Variants in STAG2 observed in about 807,000 individuals in gnomAD.
The protein encoded by STAG2 is STAG2 cohesin complex component.
In STAG2, 14 loss-of-function variants were observed where a neutral mutation model predicts 108.1. The ratio of observed to expected loss-of-function variants is 0.13; its 90% CI spans 0.09 to 0.20. The LOEUF is 0.20. Among genes scored for constraint, STAG2 ranks in the 10% least tolerant of loss-of-function variants. The pLI, the probability that STAG2 is intolerant of heterozygous loss-of-function variation, is 1.00. For synonymous variants in STAG2, 307 were observed against 302.7 expected (o/e 1.01, Z -0.15); for missense variants, 440 against 940.9 (o/e 0.47, Z 6.96).
At chrX:124,041,680 C>G (rs886797923) in intron 6 of STAG2, among the ~76,000 whole-genome samples, 1 of 111,078 alleles carries the variant, frequency 9.0e-6, no homozygotes, top group African/African-American at 3.3e-5. Flanking sequence ...CTTTCTCAGT[C>G]TGATGCCCCA....
At chrX:123,987,862 C>T (rs2055272849) in intron 1 of STAG2, among the ~76,000 whole-genome samples, 1 of 111,561 alleles carries the variant, frequency 9.0e-6, no homozygotes, top group Admixed American at 9.6e-5. Flanking sequence ...GGTGGAATCT[C>T]ATAAAACTAT....
chrX:124,012,315 T>C lies in STAG2; in HGVS notation c.-162-9052T>C, dbSNP rs868002371. On this transcript the variant is annotated intron_variant, in intron 1 of 34. Transcript: ENST00000371145. ...TTTTTAAAATGTAATTTGCATGCCT[T>C]ACTCTTTGTCTAGGAATGTTTAAGA... Among the ~76,000 whole-genome samples, 77 of 112,202 alleles carry C rather than the reference T, an allele frequency of 6.9e-4. No homozygotes were observed. In the South Asian group the frequency reaches 7.3e-3, roughly 11 times the overall value.
upstream of STAG2, chrX:123,961,242 C>G (rs1456552811): frequency 1.8e-5 from 2 of 108,445 alleles, no homozygotes; most frequent in Non-Finnish European, 3.8e-5. Flanking sequence ...CGACTACCCT[C>G]GCTGAAGATT....
At chrX:123,969,737 C>T (rs1253955376) in intron 1 of STAG2, among the ~76,000 whole-genome samples, 3 of 109,553 alleles carry the variant, frequency 2.7e-5, no homozygotes, top group African/African-American at 1.0e-4. Flanking sequence ...CCTCCGCCTC[C>T]CAGGTTCAAG....
chrX:124,089,024 T>C (rs1432224121), intron 30 of STAG2, among the ~76,000 whole-genome samples: 2 of 106,445 alleles, frequency 1.9e-5, no homozygotes, highest in African/African-American at 6.9e-5. Flanking sequence ...GAAGCAATTC[T>C]CTTGCCTCAG....
intron 34 of STAG2, among the ~76,000 whole-genome samples, chrX:124,096,484 T>TC (rs2059382046): frequency 9.0e-6 from 1 of 111,449 alleles, no homozygotes; most frequent in Non-Finnish European, 1.9e-5. Context: ...GATTTTTTTT[T>TC]CTCTCCTTCT....
chrX:124,067,423 C>A (rs1173238169), intron 23 of STAG2, among the ~76,000 whole-genome samples: 1 of 109,368 alleles, frequency 9.1e-6, no homozygotes. Context: ...CATGCATCTC[C>A]ACGCCCACTA....
chrX:124,044,040 G>A (rs1002099590), intron 7 of STAG2, among the ~76,000 whole-genome samples: 2 of 111,099 alleles, frequency 1.8e-5, no homozygotes, highest in African/African-American at 3.3e-5. Context: ...CTCTGATGAA[G>A]GAGCTTTGAA....
intron 1 of STAG2, among the ~76,000 whole-genome samples, chrX:124,005,110 T>C (rs1357629923): frequency 8.9e-6 from 1 of 112,193 alleles, no homozygotes; most frequent in Non-Finnish European, 1.9e-5. Flanking sequence ...ATAATATAAA[T>C]GCCGTGTAAA....
intron 4 of STAG2, among the ~76,000 whole-genome samples, chrX:124,030,181 G>T (rs2057287634): frequency 1.8e-5 from 2 of 111,753 alleles, no homozygotes; most frequent in African/African-American, 3.3e-5. Context: ...CTGAGTATAA[G>T]GTACATATTT....
intron 15 of STAG2, among the ~76,000 whole-genome samples, chrX:124,060,432 A>G (rs930144166): frequency 1.8e-5 from 2 of 112,238 alleles, no homozygotes; most frequent in Non-Finnish European, 3.8e-5. Context: ...AGCTAACAGT[A>G]GGGTCATTTA....
chrX:124,066,044 C>T (rs930561084), intron 21 of STAG2, 98 bp downstream of exon 21: 17 of 923,623 alleles, frequency 1.8e-5, no homozygotes, highest in South Asian at 6.0e-5. Context: ...TTGTTGTTGT[C>T]GTTGTGGGGG....
rs1449192225 is a variant in STAG2 at position 124,086,646 on chromosome X, T to C, written c.3153T>C (p.Gly1051=). The change falls in exon 30 of 35, where the codon GGT becomes GGC. Residue 1051 remains glycine (G), a synonymous_variant. Transcript: ENST00000371145. The part of the protein sequence containing the change: ...LMSYRNSLLA[G]GDDDTMSVIS... ...CTTACCGAAATTCTTTGCTAGCTGG[T>C]GGTGATGATGACACCATGTCAGTCA... 8.3e-7 allele frequency: 1 copy of C among 1,210,899 alleles called. No homozygotes were observed. Among genetic ancestry groups the C allele is most frequent in the African/African-American group, 1.7e-5 (1 of 57,800 alleles).
In STAG2 at chrX:124,078,637, CTT is replaced by C. The variant is rs747086967; in HGVS notation, c.2775+580_2775+581del. On this transcript the variant is annotated intron_variant, in intron 27 of 34. Coordinates refer to ENST00000371145, the MANE Select transcript of STAG2 (RefSeq NM_001042750.2). ...ACTTTTTTCTCTGTATATTTCCAAACTTATTTTTGTGAGCATATATTAATTTT... is the reference window on the plus strand; with the variant it reads ...ACTTTTTTCTCTGTATATTTCCAAACATTTTTGTGAGCATATATTAATTTT... Among the ~76,000 whole-genome samples, 3 of 111,167 alleles carry C rather than the reference CTT, an allele frequency of 2.7e-5. No individual in the cohort carries two copies. The Admixed American group carries it at 2.9e-4, about 11-fold the overall frequency.
intron 1 of STAG2, among the ~76,000 whole-genome samples, chrX:124,020,837 A>G (rs1343084100): frequency 8.9e-6 from 1 of 112,100 alleles, no homozygotes; most frequent in East Asian, 2.8e-4. Context: ...ACACGAGGCT[A>G]ATTTTTGTAT....
chrX:124,030,963 T>A lies in STAG2; in HGVS notation c.126T>A (p.Thr42=), dbSNP rs772218422. 8.4e-7 allele frequency: 1 copy of A among 1,193,370 alleles called. No homozygotes were observed. The highest frequency in any genetic ancestry group is 1.1e-6 in the Non-Finnish European group (1 of 888,464). ...GKNQKQGKGK[T]CKKGKKGPAE... ...ACCACCTCGTATTTTTTATGCAGAC[T>A]TGTAAAAAAGGCAAAAAGGGCCCAG... The change falls in exon 5 of 35, where the codon ACT becomes ACA. Residue 42 remains threonine (T), a splice_region_variant and synonymous_variant. Transcript: ENST00000371145.
chrX:124,047,532 C>T, intron 9 of STAG2, 27 bp downstream of exon 9: 1 of 1,178,486 alleles, frequency 8.5e-7, no homozygotes, highest in South Asian at 1.9e-5. Flanking sequence ...AATATTTAGG[C>T]TATTGTGTGA....
At chrX:124,085,559 C>T (rs375147056) in intron 29 of STAG2, among the ~76,000 whole-genome samples, 2 of 110,092 alleles carry the variant, frequency 1.8e-5, no homozygotes, top group East Asian at 2.9e-4. Flanking sequence ...GAGGTCAAGG[C>T]GGGCAGAGAG....
rs1349359990 is a variant in STAG2, at chrX:124,090,788, G to A, written c.3467+24G>A. ...AAGTAAGTACATTTGATCATTTTCT[G>A]TACTATAACTTTATTAATTACATAG... On this transcript the variant is annotated intron_variant, in intron 31 of 34. Coordinates refer to ENST00000371145, the MANE Select transcript of STAG2 (RefSeq NM_001042750.2). 5 of 1,201,172 alleles carry A rather than the reference G, an allele frequency of 4.2e-6. No individual in the cohort carries two copies. The Admixed American group carries it at 6.6e-5, about 16-fold the overall frequency.
Sources: allele counts gnomAD v4.1 joint callset (sites outside exome capture counted in the v4.1 genomes callset), GRCh38; gene constraint gnomAD v4.1.1; transcripts MANE v1.5; gene names NCBI Gene and HGNC (gene_info 2026-07-23, HGNC 2026-07-21).